Variants in PCDHGA8 observed in about 807,000 individuals in gnomAD.
PCDHGA8 encodes the protein protocadherin gamma subfamily A, 8.
PCDHGA8 carries 45 observed loss-of-function variants against 59.2 expected under a neutral mutation model. That is an observed-to-expected ratio of 0.76 (90% CI 0.60 to 0.98). The LOEUF (loss-of-function observed/expected upper bound fraction) is 0.98, where lower values mean the gene tolerates loss of function less well. Ranked by LOEUF, PCDHGA8 falls within the 50% of genes least tolerant of loss-of-function variation. The probability of loss-of-function intolerance (pLI) is 0.00; values close to 1 mark genes in which losing one functional copy is unlikely to be tolerated. For missense variants in PCDHGA8, 1,257 were observed against 1,196.2 expected, an observed-to-expected ratio of 1.05 and a Z score of -0.75; for synonymous variants, 531 against 519.0, an observed-to-expected ratio of 1.02 and a Z score of -0.32.
In PCDHGA8 at chr5:141,432,220, C is replaced by A. The variant is rs949257429; in HGVS notation, c.2424+36983C>A. ...CCGACTGTGAAGAGAACGCCCAGAT[C>A]ACTTATTCCCTGGCTGAGAACACCA... On this transcript the variant is annotated intron_variant, in intron 1 of 3. Coordinates refer to ENST00000398604, the MANE Select transcript of PCDHGA8 (RefSeq NM_032088.2). This position sits in a 1 kb window ranked among gnomAD's most constrained non-coding sequence, Gnocchi z 6.0. The A allele has an allele frequency of 2.5e-6, 4 of 1,614,246 alleles. No homozygotes were observed. The highest frequency in any genetic ancestry group is 1.6e-4 in the Middle Eastern group (1 of 6,062).
rs761264372 is a variant in PCDHGA8 at position 141,489,500 on chromosome 5, A to G, written c.2425-5307A>G. 12 of 1,614,112 alleles carry G rather than the reference A, an allele frequency of 7.4e-6. No individual in the cohort carries two copies. In the South Asian group the frequency reaches 1.3e-4, roughly 18 times the overall value. On this transcript the variant is annotated intron_variant, in intron 1 of 3. Coordinates refer to ENST00000398604, the MANE Select transcript of PCDHGA8 (RefSeq NM_032088.2). This position sits in a 1 kb window ranked among gnomAD's most constrained non-coding sequence, Gnocchi z 4.5. ...TTGATGAGTGGTGCCCTGGCAGTGA[A>G]TCAAAAGATTGACCGAGAAAGCCTA...
In PCDHGA8 at chr5:141,433,172, G is replaced by C. The variant is rs147848043; in HGVS notation, c.2424+37935G>C. 533 of 1,610,720 alleles carry C rather than the reference G, an allele frequency of 3.3e-4. 5 individuals carry two copies. In the South Asian group the frequency reaches 5.0e-3, roughly 15 times the overall value. On this transcript the variant is annotated intron_variant, in intron 1 of 3. Transcript: ENST00000398604. ...TTCGGTATTTTCTAAAGACAGTCAT[G>C]GGTTAATTGAGGTGAGTTTATATCA...
intron 1 of PCDHGA8, chr5:141,408,397 G>T: frequency 6.2e-7 from 1 of 1,614,068 alleles, no homozygotes; most frequent in Non-Finnish European, 8.5e-7. Context: ...CGGCTCGCAA[G>T]CTGCGAGTGA....
intron 1 of PCDHGA8, chr5:141,404,445 G>GT: frequency 6.2e-7 from 1 of 1,613,280 alleles, no homozygotes; most frequent in Non-Finnish European, 8.5e-7. Context: ...ACCATCCAAG[G>GT]GTCTCCTCTC....
At chr5:141,415,562 CT>C in intron 1 of PCDHGA8, 3 of 1,613,960 alleles carry the variant, frequency 1.9e-6, no homozygotes, top group Non-Finnish European at 1.7e-6. Context: ...GATCCTTTGT[CT>C]TTGTTAGATG....
chr5:141,422,907 G>C (rs1330364637), intron 1 of PCDHGA8: 4 of 1,614,078 alleles, frequency 2.5e-6, no homozygotes, highest in Non-Finnish European at 3.4e-6. Flanking sequence ...ACGACAATGC[G>C]CCCGAGATCC....
rs2233602 is a variant in PCDHGA8, at chr5:141,490,032, C to T, written c.2425-4775C>T. 47,990 of 1,614,182 alleles carry T rather than the reference C, an allele frequency of 0.03. 1,413 individuals are homozygous for T. Among genetic ancestry groups the T allele is most frequent in the African/African-American group, 0.15 (11,444 of 75,040 alleles). On this transcript the variant is annotated intron_variant, in intron 1 of 3. Coordinates refer to ENST00000398604, the MANE Select transcript of PCDHGA8 (RefSeq NM_032088.2). The surrounding 1 kb of genome is among the most constrained non-coding windows in gnomAD (Gnocchi z 5.4). ...CCATTGGTACTCTGCTGCTCCGCCT[C>T]AATGCCACTGATCCAGACGAGGGCA...
In PCDHGA8 at chr5:141,487,568, C is replaced by T. The variant is rs752378906; in HGVS notation, c.2425-7239C>T. Reference sequence around the variant, plus strand: ...ACCCAGTGCACCTATGGCAGGGGAGCCTGTTCGCCCAAGCTGCCCACCCTC... The same window carrying T: ...ACCCAGTGCACCTATGGCAGGGGAGTCTGTTCGCCCAAGCTGCCCACCCTC... On this transcript the variant is annotated intron_variant, in intron 1 of 3. Transcript: ENST00000398604. This position sits in a 1 kb window ranked among gnomAD's most constrained non-coding sequence, Gnocchi z 5.0. The T allele has an allele frequency of 1.2e-6, 2 of 1,614,180 alleles. No individual in the cohort carries two copies. The highest frequency in any genetic ancestry group is 1.7e-6 in the Non-Finnish European group (2 of 1,180,042).
rs183968443 is a variant in PCDHGA8 at position 141,495,033 on chromosome 5, G to A, written c.2483+168G>A. On this transcript the variant is annotated intron_variant, in intron 2 of 3. Coordinates refer to ENST00000398604, the MANE Select transcript of PCDHGA8 (RefSeq NM_032088.2). ...GGGGCTGGCACACAGACCCCGGAAG[G>A]AAGAGGCGACTGCCCTGACTGTTCA... is the stretch of plus-strand genomic sequence containing the variant. 1.4e-3 allele frequency: 1,380 copies of A among 968,234 alleles called. 4 individuals are homozygous for A. Among genetic ancestry groups the A allele is most frequent in the Middle Eastern group, 5.3e-3 (10 of 1,888 alleles). 60.0% of individuals were successfully genotyped at this position (968,234 alleles called of 1,614,324 possible).
intron 1 of PCDHGA8, among the ~76,000 whole-genome samples, chr5:141,473,948 A>ACC (rs2099333859): frequency 1.3e-5 from 2 of 152,182 alleles, no homozygotes; most frequent in Non-Finnish European, 2.9e-5. Context: ...TCAGGCCTGT[A>ACC]GTCCCATCTA....
intron 1 of PCDHGA8, among the ~76,000 whole-genome samples, chr5:141,447,895 G>A (rs931589569): frequency 1.3e-5 from 2 of 152,068 alleles, no homozygotes; most frequent in Non-Finnish European, 2.9e-5. Context: ...AGACCAGCCT[G>A]GCCAACATGG....
chr5:141,459,795 C>T (rs1394778891), intron 1 of PCDHGA8, among the ~76,000 whole-genome samples: 1 of 152,190 alleles, frequency 6.6e-6, no homozygotes, highest in Non-Finnish European at 1.5e-5. Flanking sequence ...AACTGTTTTT[C>T]CCTGTTGACT....
chr5:141,477,775 G>T lies in PCDHGA8; in HGVS notation c.2425-17032G>T. 2 of 1,614,046 alleles carry T rather than the reference G, an allele frequency of 1.2e-6. No individual in the cohort carries two copies. The highest frequency in any genetic ancestry group is 2.7e-5 in the African/African-American group (2 of 75,052). On this transcript the variant is annotated intron_variant, in intron 1 of 3. Transcript: ENST00000398604. The surrounding 1 kb of genome is among the most constrained non-coding windows in gnomAD (Gnocchi z 4.9). ...CGGTCCTAGCCACCAACATCAGCGT[G>T]AACATATTTGTCACTGATCGCAATG...
At position 141,423,654 on chromosome 5, in the gene PCDHGA8, T is replaced by C. The variant is rs768410507; in HGVS notation, c.2424+28417T>C. The C allele has an allele frequency of 6.3e-6, 10 of 1,583,982 alleles. No individual in the cohort carries two copies. The Admixed American group carries it at 1.8e-4, about 28-fold the overall frequency. ...TTTTAGGCAAATGTGACCCGACAAG[T>C]AATCAGGTGAGATTTATTTCTCTGC... On this transcript the variant is annotated intron_variant, in intron 1 of 3. Transcript: ENST00000398604.
intron 1 of PCDHGA8, among the ~76,000 whole-genome samples, chr5:141,448,831 G>C (rs985602153): frequency 4.6e-5 from 7 of 152,096 alleles, no homozygotes; most frequent in Non-Finnish European, 7.4e-5. Flanking sequence ...TGTAGTCCCA[G>C]CTACTCTGGA....
chr5:141,394,158 C>T lies in PCDHGA8; in HGVS notation c.1345C>T (p.Pro449Ser). The change falls in exon 1 of 4, where the codon CCT becomes TCT. Residue 449 changes from proline (P) to serine (S), a missense_variant. Coordinates refer to ENST00000398604, the MANE Select transcript of PCDHGA8 (RefSeq NM_032088.2). ...ALHVADINDNPPTFPHASYSA... is the reference protein window; with the variant it reads ...ALHVADINDNSPTFPHASYSA... ...GCACGTGGCAGACATTAACGACAACCCTCCTACTTTCCCTCATGCCTCCTA... is the reference window on the plus strand; with the variant it reads ...GCACGTGGCAGACATTAACGACAACTCTCCTACTTTCCCTCATGCCTCCTA... 1 of 1,613,844 alleles carries T rather than the reference C, an allele frequency of 6.2e-7. No homozygotes were observed. The highest frequency in any genetic ancestry group is 2.2e-5 in the East Asian group (1 of 44,872).
chr5:141,433,286 T>C (rs2097581877), intron 1 of PCDHGA8: 2 of 1,143,608 alleles, frequency 1.7e-6, no homozygotes, highest in African/African-American at 1.6e-5. Flanking sequence ...CTCAAACTCC[T>C]AGGCTCAAGC....
At chr5:141,495,379 C>T (rs989240656) in intron 2 of PCDHGA8, among the ~76,000 whole-genome samples, 3 of 152,208 alleles carry the variant, frequency 2.0e-5, no homozygotes, top group Non-Finnish European at 4.4e-5. Context: ...TGAGGAAGGA[C>T]TGGGCGGGGC....
Position 141,393,051 on chromosome 5 carries a change from C to G in PCDHGA8, c.238C>G (p.Arg80Gly). 1 of 1,613,622 alleles carries G rather than the reference C, an allele frequency of 6.2e-7. No homozygotes were observed. Among genetic ancestry groups the G allele is most frequent in the South Asian group, 1.1e-5 (1 of 91,052 alleles). Residue 80 changes from arginine (R) to glycine (G), a missense_variant, in exon 1 of 4, where the codon CGC becomes GGC. Arg to Gly is a moderately radical substitution (Grantham distance 125, BLOSUM62 -2). Transcript: ENST00000398604. ...GACGCAGCTCTTTGCTCTGAACCCG[C>G]GCAGCGGCAGCTTGATCACCGCGGG... ...GRTQLFALNP[R>G]SGSLITAGRI... is the part of the protein sequence containing the mutation.
Sources: gnomAD v4.1 joint callset for allele counts (sites outside exome capture counted in the v4.1 genomes callset) on GRCh38, gnomAD v4.1.1 for gene constraint, Gnocchi (gnomAD v3.1) non-coding constraint, MANE v1.5 for transcripts, NCBI Gene and HGNC (gene_info 2026-07-23, HGNC 2026-07-21) for gene names.